Variants in EIF3H observed in about 807,000 individuals in gnomAD.
The protein encoded by EIF3H is eukaryotic translation initiation factor 3 subunit H.
EIF3H carries 26 observed loss-of-function variants against 44.2 expected under a neutral mutation model. The ratio of observed to expected loss-of-function variants is 0.59; its 90% confidence interval spans 0.43 to 0.82. The LOEUF (loss-of-function observed/expected upper bound fraction) is 0.82. Ranked by LOEUF, EIF3H falls within the 40% of genes least tolerant of loss-of-function variation. The pLI is 0.00. For missense variants in EIF3H, 359 were observed against 432.8 expected (o/e 0.83, Z 1.51); for synonymous variants, 166 against 151.9 (o/e 1.09, Z -0.68).
chr8:116,650,936 C>T (rs191108521), intron 5 of EIF3H, among the ~76,000 whole-genome samples: 250 of 152,218 alleles, frequency 1.6e-3, no homozygotes, highest in African/African-American at 5.8e-3. Flanking sequence ...GGCCAGGACT[C>T]CATTTTATAA....
intron 1 of EIF3H, among the ~76,000 whole-genome samples, chr8:116,738,526 G>A (rs950681854): frequency 3.7e-5 from 5 of 134,884 alleles, no homozygotes; most frequent in African/African-American, 8.5e-5. Context: ...GGTAACTAAC[G>A]TCTGGCCTGG....
intron 2 of EIF3H, among the ~76,000 whole-genome samples, chr8:116,687,974 G>A (rs1263505843): frequency 1.3e-5 from 2 of 152,030 alleles, no homozygotes; most frequent in East Asian, 3.8e-4. Context: ...CACAGCTTAA[G>A]TTCAAAACAA....
chr8:116,676,207 G>A (rs1746311218), intron 2 of EIF3H, among the ~76,000 whole-genome samples: 2 of 152,216 alleles, frequency 1.3e-5, no homozygotes, highest in South Asian at 2.1e-4. Context: ...CTTGTCTCTT[G>A]TTACAATACT....
chr8:116,677,186 T>TA (rs778585595), intron 2 of EIF3H, among the ~76,000 whole-genome samples: 2 of 152,228 alleles, frequency 1.3e-5, no homozygotes, highest in African/African-American at 2.4e-5. Flanking sequence ...TAATTTTACT[T>TA]ACGTCTTTTG....
chr8:116,643,845 C>G lies in EIF3H; in HGVS notation c.*1161G>C, dbSNP rs1813258652. 6.6e-6 allele frequency: 1 copy of G among 152,184 alleles called. No homozygotes were observed. The highest frequency in any genetic ancestry group is 1.5e-5 in the Non-Finnish European group (1 of 68,034). The allele number at this position is 152,184 out of a possible 1,614,324, so 9.4% of individuals were successfully genotyped here. On this transcript the variant is annotated 3_prime_UTR_variant, in exon 8 of 8. Coordinates refer to ENST00000521861, the MANE Select transcript of EIF3H (RefSeq NM_003756.3). ...ATCAAAAATTCTCATAGGCACACCC[C>G]CACCAGCTGGCAGATCTCACTGATT...
At chr8:116,720,276 A>G (rs1814723333) in intron 2 of EIF3H, among the ~76,000 whole-genome samples, 1 of 152,144 alleles carries the variant, frequency 6.6e-6, no homozygotes, top group Non-Finnish European at 1.5e-5. Flanking sequence ...AAAAACTTCA[A>G]TTGTTGTAAT....
chr8:116,676,824 T>A (rs1813856659), intron 2 of EIF3H, among the ~76,000 whole-genome samples: 1 of 152,232 alleles, frequency 6.6e-6, no homozygotes, highest in South Asian at 2.1e-4. Context: ...TCTGCTTTCA[T>A]AAGATTAGCC....
At chr8:116,732,745 C>G (rs1353393035) in intron 1 of EIF3H, among the ~76,000 whole-genome samples, 4 of 152,120 alleles carry the variant, frequency 2.6e-5, no homozygotes, top group Non-Finnish European at 5.9e-5. Context: ...GAATATGAAA[C>G]TAAATCAAAC....
intron 3 of EIF3H, 40 bp downstream of exon 3, chr8:116,658,773 T>C: frequency 6.3e-7 from 1 of 1,586,920 alleles, no homozygotes; most frequent in Non-Finnish European, 8.6e-7. Flanking sequence ...ATAGTAGTAA[T>C]AATATTAAGG....
chr8:116,735,627 G>A (rs1815021723), intron 1 of EIF3H, among the ~76,000 whole-genome samples: 1 of 151,998 alleles, frequency 6.6e-6, no homozygotes, highest in Non-Finnish European at 1.5e-5. Context: ...CTATCTTTAC[G>A]CCACAGAGCA....
chr8:116,742,836 T>C (rs1815154128), intron 1 of EIF3H, among the ~76,000 whole-genome samples: 2 of 152,304 alleles, frequency 1.3e-5, no homozygotes, highest in African/African-American at 4.8e-5. Flanking sequence ...TACTTTCACT[T>C]TGTCTTTGAT....
At chr8:116,659,519 A>G (rs1224808789) in intron 2 of EIF3H, among the ~76,000 whole-genome samples, 1 of 152,150 alleles carries the variant, frequency 6.6e-6, no homozygotes, top group Non-Finnish European at 1.5e-5. Context: ...GTAAGAGTAC[A>G]TTTTTGCCTT....
chr8:116,702,763 C>T (rs547816007), intron 2 of EIF3H, among the ~76,000 whole-genome samples: 9 of 152,188 alleles, frequency 5.9e-5, no homozygotes, highest in East Asian at 5.8e-4. Context: ...AAATCAAGTA[C>T]GAATAACAAA....
intron 3 of EIF3H, 60 bp downstream of exon 3, chr8:116,658,753 G>C: frequency 6.4e-7 from 1 of 1,553,998 alleles, no homozygotes; most frequent in Middle Eastern, 2.0e-4. Context: ...AAAAAGGACA[G>C]AAAGCAAAAA....
chr8:116,717,602 AG>A (rs1310335929), intron 2 of EIF3H, among the ~76,000 whole-genome samples: 2 of 152,268 alleles, frequency 1.3e-5, no homozygotes, highest in East Asian at 3.9e-4. Flanking sequence ...CCAAATACTT[AG>A]AGTTAACTGA....
intron 2 of EIF3H, among the ~76,000 whole-genome samples, chr8:116,679,071 G>T (rs1813911604): frequency 1.7e-5 from 1 of 60,290 alleles, no homozygotes; most frequent in Non-Finnish European, 4.8e-5. Context: ...CTACTGGGAA[G>T]TGAGGAGTCC....
chr8:116,699,087 T>A (rs1056734158), intron 2 of EIF3H, among the ~76,000 whole-genome samples: 2 of 152,020 alleles, frequency 1.3e-5, no homozygotes, highest in East Asian at 3.9e-4. Context: ...AGGCGGAGGT[T>A]GCAGCATGCT....
At chr8:116,672,291 T>C (rs970398136) in intron 2 of EIF3H, among the ~76,000 whole-genome samples, 1 of 152,280 alleles carries the variant, frequency 6.6e-6, no homozygotes, top group East Asian at 1.9e-4. Flanking sequence ...AAATATGGTC[T>C]AGAAATCCTA....
rs564758817 is a variant in EIF3H, at chr8:116,733,608, TA to T, written c.133-7437del. The stretch of plus-strand genomic sequence containing the variant: ...ATGTATTTCAAGGCCCTTTAAAATT[TA>T]AAAAAAAAACAAACTCTTAAAAAAT... On this transcript the variant is annotated intron_variant, in intron 1 of 7. Coordinates refer to ENST00000521861, the MANE Select transcript of EIF3H (RefSeq NM_003756.3). 3.7e-3 allele frequency among the ~76,000 whole-genome samples: 542 copies of T among 148,132 alleles called. 4 individuals are homozygous for T. The highest frequency in any genetic ancestry group is 0.013 in the African/African-American group (514 of 40,414).
Sources: allele counts gnomAD v4.1 joint callset (sites outside exome capture counted in the v4.1 genomes callset), GRCh38; gene constraint gnomAD v4.1.1; transcripts MANE v1.5; gene names NCBI Gene and HGNC (gene_info 2026-07-23, HGNC 2026-07-21).